FABP6: variants seen among roughly 807,000 people sequenced by gnomAD.
FABP6 encodes the protein gastrotropin.
FABP6 carries 13 observed loss-of-function variants against 14.9 expected under a neutral mutation model. That is an observed-to-expected ratio of 0.87 (90% CI 0.57 to 1.39). The LOEUF (loss-of-function observed/expected upper bound fraction) is 1.39, where lower values mean the gene tolerates loss of function less well. Among genes scored for constraint, FABP6 ranks in the 40% most tolerant of loss-of-function variants. The pLI, the probability that FABP6 is intolerant of heterozygous loss-of-function variation, is 0.00. For synonymous variants in FABP6, 75 were observed against 63.6 expected (o/e 1.18, Z -0.85); for missense variants, 161 against 167.2 (o/e 0.96, Z 0.20).
upstream of FABP6, among the ~76,000 whole-genome samples, chr5:160,226,710 A>C (rs932136308): frequency 5.3e-5 from 8 of 152,080 alleles, no homozygotes; most frequent in African/African-American, 1.9e-4. Flanking sequence ...ATTCATGTAA[A>C]ACACTCAGCT....
At chr5:160,199,951 G>A (rs1236429892) in intron 2 of FABP6, among the ~76,000 whole-genome samples, 1 of 152,160 alleles carries the variant, frequency 6.6e-6, no homozygotes, top group Non-Finnish European at 1.5e-5. Context: ...CCCAGCCAGG[G>A]GCCCTCTGAC....
intron 2 of FABP6, among the ~76,000 whole-genome samples, chr5:160,210,231 C>T (rs539799784): frequency 4.1e-4 from 62 of 152,310 alleles, no homozygotes; most frequent in Non-Finnish European, 8.4e-4. Flanking sequence ...GAGATATGGG[C>T]TCTGTTCCTA....
chr5:160,225,898 G>A (rs1470383462), upstream of FABP6, among the ~76,000 whole-genome samples: 1 of 152,124 alleles, frequency 6.6e-6, no homozygotes, highest in Non-Finnish European at 1.5e-5. Context: ...ATAAGGCCGG[G>A]CAGGGTGGCT....
At chr5:160,192,449 CGT>C (rs1759415221) in intron 1 of FABP6, among the ~76,000 whole-genome samples, 2 of 152,264 alleles carry the variant, frequency 1.3e-5, no homozygotes, top group Non-Finnish European at 2.9e-5. Flanking sequence ...AGAAACCTTG[CGT>C]GTTTACTCTC....
Position 160,229,569 on chromosome 5 carries a change from CG to C in FABP6, c.14del (p.Gly5AlafsTer15), listed in dbSNP as rs1760323225. On this transcript the variant is annotated frameshift_variant, in exon 1 of 4. Coordinates refer to ENST00000402432, the MANE Select transcript of FABP6 (RefSeq NM_001445.3). LOFTEE classifies it high-confidence loss of function. Reference protein sequence around the residue: MAFTGKFEMESEKNY... With the variant: MAFTXKFEMESEKNY... ...AGCCTCCCAGCAGCATGGCTTTCACCGGCAAGTTCGAGATGGAGAGTGAGAA... is the reference window on the plus strand; with the variant it reads ...AGCCTCCCAGCAGCATGGCTTTCACCGCAAGTTCGAGATGGAGAGTGAGAA... The C allele has an allele frequency of 1.2e-6, 2 of 1,613,950 alleles. No individual in the cohort carries two copies. Among genetic ancestry groups the C allele is most frequent in the Non-Finnish European group, 8.5e-7 (1 of 1,179,916 alleles).
At chr5:160,231,079 G>C (rs1311680125) in intron 1 of FABP6, among the ~76,000 whole-genome samples, 1 of 152,176 alleles carries the variant, frequency 6.6e-6, no homozygotes, top group African/African-American at 2.4e-5. Flanking sequence ...CAGCTCAAGG[G>C]GACCCGTGCC....
chr5:160,198,778 C>A (rs996292075), intron 1 of FABP6: 1 of 348,330 alleles, frequency 2.9e-6, no homozygotes, highest in African/African-American at 2.1e-5. Flanking sequence ...CACAAAGATT[C>A]CTTTCTCAGA....
At chr5:160,217,056 T>A (rs1487728038) in intron 3 of FABP6, among the ~76,000 whole-genome samples, 1 of 152,192 alleles carries the variant, frequency 6.6e-6, no homozygotes, top group Non-Finnish European at 1.5e-5. Flanking sequence ...AGGACTGACA[T>A]ACAAGACTGG....
intron 2 of FABP6, chr5:160,213,696 C>A: frequency 6.3e-7 from 1 of 1,581,024 alleles, no homozygotes; most frequent in Non-Finnish European, 8.7e-7. Context: ...GCCCACTTGA[C>A]TCAGGATAGG....
intron 1 of FABP6, among the ~76,000 whole-genome samples, chr5:160,193,199 G>T (rs868011215): frequency 6.6e-6 from 1 of 152,042 alleles, no homozygotes; most frequent in Admixed American, 6.6e-5. Flanking sequence ...TGGTGGGTTC[G>T]TGGTCTCGCT....
At chr5:160,233,414 C>T (rs1449742617) in intron 2 of FABP6, among the ~76,000 whole-genome samples, 1 of 152,152 alleles carries the variant, frequency 6.6e-6, no homozygotes, top group Non-Finnish European at 1.5e-5. Context: ...TCATTTCACT[C>T]CCCTGAGCCT....
At chr5:160,223,282 T>C (rs910144299) in intron 3 of FABP6, among the ~76,000 whole-genome samples, 1 of 151,768 alleles carries the variant, frequency 6.6e-6, no homozygotes, top group African/African-American at 2.4e-5. Context: ...CCATTGTAAT[T>C]GTTTTGGGGT....
At chr5:160,228,407 CATA>C, upstream of FABP6, 1 of 455,920 alleles carries the variant, frequency 2.2e-6, no homozygotes, top group South Asian at 1.5e-5. Flanking sequence ...TAAATAAATA[CATA>C]ATAATCACGA....
intron 1 of FABP6, chr5:160,196,979 T>G (rs1041340318): frequency 3.3e-5 from 5 of 152,248 alleles, no homozygotes; most frequent in African/African-American, 1.2e-4. Flanking sequence ...TAGGCTACCG[T>G]GACACCTTGT....
chr5:160,229,821 TTTTTATTTTATTTTATTTTA>T (rs200570698), intron 1 of FABP6, among the ~76,000 whole-genome samples, 197 bp downstream of exon 1: 20,270 of 127,982 alleles, frequency 0.16, 1,899 homozygotes, highest in East Asian at 0.34. Context: ...CTCTTTAACT[TTTTTATTTTATTTTATTTTA>T]TTTTATTTTA....
chr5:160,187,831 C>G (rs1338760157), intron 1 of FABP6, among the ~76,000 whole-genome samples: 1 of 152,164 alleles, frequency 6.6e-6, no homozygotes, highest in East Asian at 1.9e-4. Context: ...CGGCTAACCA[C>G]AACCTCCGCC....
chr5:160,196,795 G>A (rs1244718042), intron 1 of FABP6: 1 of 152,262 alleles, frequency 6.6e-6, no homozygotes, highest in African/African-American at 2.4e-5. Context: ...GGATGGTCTT[G>A]ATCTCCTGAC....
At chr5:160,227,638 A>T (rs1409591587), upstream of FABP6, among the ~76,000 whole-genome samples, 1 of 151,664 alleles carries the variant, frequency 6.6e-6, no homozygotes, top group African/African-American at 2.4e-5. Flanking sequence ...GTGAGCTGAG[A>T]TCACACACGG....
At chr5:160,207,629 A>C (rs1759795435) in intron 2 of FABP6, among the ~76,000 whole-genome samples, 1 of 152,080 alleles carries the variant, frequency 6.6e-6, no homozygotes, top group African/African-American at 2.4e-5. Context: ...ATGTATATTT[A>C]TATGTGTATA....
Sources: gnomAD v4.1 joint callset for allele counts (sites outside exome capture counted in the v4.1 genomes callset) on GRCh38, gnomAD v4.1.1 for gene constraint, MANE v1.5 for transcripts, NCBI Gene and HGNC (gene_info 2026-07-23, HGNC 2026-07-21) for gene names.